The following NFIA variants were observed in gnomAD, a reference collection of about 807,000 sequenced individuals.
NFIA encodes the protein nuclear factor I A.
In NFIA, 8 loss-of-function variants were observed where a neutral mutation model predicts 62.8. The ratio of observed to expected loss-of-function variants is 0.13; its 90% confidence interval spans 0.07 to 0.23. NFIA has a LOEUF of 0.23. Ranked by LOEUF, NFIA falls within the 10% of genes least tolerant of loss-of-function variation. NFIA has a pLI of 1.00. For synonymous variants in NFIA, 235 were observed against 238.1 expected (o/e 0.99, Z 0.12); for missense variants, 410 against 642.1 (o/e 0.64, Z 3.91).
chr1:61,360,611 AATCC>A, intron 6 of NFIA, among the ~76,000 whole-genome samples: 1 of 152,262 alleles, frequency 6.6e-6, no homozygotes, highest in African/African-American at 2.4e-5. Context: ...TTCATCTATA[AATCC>A]TAGCTCCCTT....
chr1:61,327,764 C>T (rs1661032917), intron 3 of NFIA, among the ~76,000 whole-genome samples: 1 of 152,030 alleles, frequency 6.6e-6, no homozygotes, highest in Admixed American at 6.6e-5. Flanking sequence ...ACTTCTTTTC[C>T]TTTGAGTAGG....
chr1:61,282,375 CTT>C (rs1394159230), intron 3 of NFIA, among the ~76,000 whole-genome samples: 1 of 152,148 alleles, frequency 6.6e-6, no homozygotes, highest in East Asian at 1.9e-4. Flanking sequence ...ATTTGTTGGA[CTT>C]TGACTTAGAA....
At chr1:61,099,258 G>T (rs765727917) in intron 2 of NFIA, among the ~76,000 whole-genome samples, 1 of 152,142 alleles carries the variant, frequency 6.6e-6, no homozygotes, top group Non-Finnish European at 1.5e-5. Context: ...TGCTGGAGTG[G>T]GGTGGGGACG....
intron 7 of NFIA, among the ~76,000 whole-genome samples, chr1:61,391,236 A>T (rs1664960112): frequency 3.3e-5 from 5 of 151,716 alleles, no homozygotes; most frequent in South Asian, 2.1e-4. Context: ...AATTTTTAAA[A>T]TTTTTTTGTA....
intron 2 of NFIA, among the ~76,000 whole-genome samples, chr1:61,166,546 T>C (rs754389045): frequency 7.2e-5 from 11 of 152,092 alleles, no homozygotes; most frequent in Non-Finnish European, 1.6e-4. Context: ...ACCAAACTAC[T>C]TATAGTTTAT....
intron 2 of NFIA, among the ~76,000 whole-genome samples, chr1:61,136,116 T>A (rs1397325170): frequency 6.6e-6 from 1 of 152,258 alleles, no homozygotes; most frequent in Non-Finnish European, 1.5e-5. Context: ...CTTACTTATG[T>A]CTGCATTTAA....
At chr1:61,308,300 G>C (rs1386283309) in intron 3 of NFIA, among the ~76,000 whole-genome samples, 1 of 152,152 alleles carries the variant, frequency 6.6e-6, no homozygotes, top group Non-Finnish European at 1.5e-5. Context: ...TTGCTCATAT[G>C]CTTTGCCATT....
chr1:61,291,885 A>G (rs952880344), intron 3 of NFIA, among the ~76,000 whole-genome samples: 1 of 151,972 alleles, frequency 6.6e-6, no homozygotes, highest in African/African-American at 2.4e-5. Flanking sequence ...ATAGTGTTAC[A>G]TGCATTATGT....
intron 2 of NFIA, among the ~76,000 whole-genome samples, chr1:61,195,082 A>G (rs900892901): frequency 2.6e-5 from 4 of 152,094 alleles, no homozygotes; most frequent in African/African-American, 7.2e-5. Context: ...TCTGACTTCA[A>G]CTGCCACATT....
intron 2 of NFIA, among the ~76,000 whole-genome samples, chr1:61,210,814 C>G (rs1355560350): frequency 6.6e-6 from 1 of 152,182 alleles, no homozygotes; most frequent in Non-Finnish European, 1.5e-5. Flanking sequence ...TTCCTTGGCT[C>G]TCTTGGCTCC....
At chr1:61,302,040 A>G (rs1446376553) in intron 3 of NFIA, among the ~76,000 whole-genome samples, 1 of 152,190 alleles carries the variant, frequency 6.6e-6, no homozygotes, top group African/African-American at 2.4e-5. Context: ...CTTAGGACCA[A>G]AAGGGTTATT....
chr1:61,248,521 CTG>C (rs1386894948), intron 2 of NFIA, among the ~76,000 whole-genome samples: 2 of 152,162 alleles, frequency 1.3e-5, no homozygotes, highest in Non-Finnish European at 2.9e-5. Flanking sequence ...CTTCCCAGAG[CTG>C]TGTGTTCTTT....
At chr1:61,376,055 T>C (rs1406786672) in intron 6 of NFIA, among the ~76,000 whole-genome samples, 1 of 152,198 alleles carries the variant, frequency 6.6e-6, no homozygotes, top group African/African-American at 2.4e-5. Context: ...CTCAGTTGAT[T>C]GCAGCCTTCT....
chr1:61,365,021 CA>C (rs907598621), intron 6 of NFIA, among the ~76,000 whole-genome samples: 7 of 151,756 alleles, frequency 4.6e-5, no homozygotes, highest in South Asian at 2.1e-4. Context: ...CCTGTCTCTA[CA>C]AAAAAAAATT....
At chr1:61,165,419 CATGTATGT>C (rs1400629556) in intron 2 of NFIA, among the ~76,000 whole-genome samples, 1 of 152,152 alleles carries the variant, frequency 6.6e-6, no homozygotes, top group East Asian at 1.9e-4. Context: ...ATTCTATATG[CATGTATGT>C]AGTTGAAGTG....
chr1:61,281,329 G>T (rs1216786201), intron 3 of NFIA, among the ~76,000 whole-genome samples: 1 of 152,132 alleles, frequency 6.6e-6, no homozygotes, highest in African/African-American at 2.4e-5. Context: ...ATAGCATTCT[G>T]CCTGGTTCAC....
At chr1:61,120,511 T>A (rs1200393794) in intron 2 of NFIA, among the ~76,000 whole-genome samples, 1 of 152,190 alleles carries the variant, frequency 6.6e-6, no homozygotes, top group Non-Finnish European at 1.5e-5. Context: ...TGTCCACTTA[T>A]TTCATGTCTG....
intron 2 of NFIA, among the ~76,000 whole-genome samples, chr1:61,266,683 A>G (rs1203179365): frequency 6.6e-6 from 1 of 152,230 alleles, no homozygotes. Context: ...TACAGGCATG[A>G]GCCACTGTAC....
chr1:61,405,095 A>G (rs1302365003), intron 8 of NFIA, among the ~76,000 whole-genome samples: 1 of 152,186 alleles, frequency 6.6e-6, no homozygotes, highest in African/African-American at 2.4e-5. Flanking sequence ...GACTAGCCAT[A>G]ATTATTACTG....
Sources: gnomAD v4.1 joint callset for allele counts (sites outside exome capture counted in the v4.1 genomes callset) on GRCh38, gnomAD v4.1.1 for gene constraint, MANE v1.5 for transcripts, NCBI Gene and HGNC (gene_info 2026-07-23, HGNC 2026-07-21) for gene names.